Variants in GRM5 observed in about 807,000 individuals in gnomAD.
GRM5 encodes glutamate metabotropic receptor 5.
A neutral mutation model predicts 83.1 loss-of-function variants in GRM5; 19 were observed. That is an observed-to-expected ratio of 0.23 (90% confidence interval 0.16 to 0.34). The LOEUF (loss-of-function observed/expected upper bound fraction) is 0.34, where lower values mean the gene tolerates loss of function less well. Among genes scored for constraint, GRM5 ranks in the 10% least tolerant of loss-of-function variants. The pLI is 1.00. For synonymous variants in GRM5, 675 were observed against 633.6 expected, an observed-to-expected ratio of 1.07 and a Z score of -0.98; for missense variants, 1,160 against 1,588.3, an observed-to-expected ratio of 0.73 and a Z score of 4.58.
chr11:88,687,401 C>T (rs1456538821), intron 3 of GRM5, among the ~76,000 whole-genome samples: 2 of 144,208 alleles, frequency 1.4e-5, no homozygotes, highest in Admixed American at 7.2e-5. Context: ...GGCATGAACC[C>T]GGGAGGCGGA....
chr11:88,795,724 C>T (rs964752849), intron 3 of GRM5, among the ~76,000 whole-genome samples: 1 of 152,130 alleles, frequency 6.6e-6, no homozygotes, highest in African/African-American at 2.4e-5. Context: ...TGCCAAAAAT[C>T]ATTTCTGTAG....
intron 8 of GRM5, among the ~76,000 whole-genome samples, chr11:88,547,714 G>T (rs1436031262): frequency 6.6e-6 from 1 of 152,088 alleles, no homozygotes; most frequent in Non-Finnish European, 1.5e-5. Flanking sequence ...ACAAGGAGTA[G>T]GCTGGCAGTC....
intron 4 of GRM5, among the ~76,000 whole-genome samples, chr11:88,647,372 G>C (rs929241431): frequency 6.6e-6 from 1 of 151,732 alleles, no homozygotes; most frequent in African/African-American, 2.4e-5. Context: ...CTTAGAAAAA[G>C]AACCAGTAAT....
chr11:88,524,189 T>A (rs1018669299), intron 9 of GRM5: 1 of 125,840 alleles, frequency 7.9e-6, no homozygotes, highest in Non-Finnish European at 1.6e-5. Context: ...TTCTTTTTTC[T>A]TTTTCTTTCT....
chr11:88,857,287 C>G (rs1422065034), intron 2 of GRM5, among the ~76,000 whole-genome samples: 2 of 151,932 alleles, frequency 1.3e-5, no homozygotes, highest in Non-Finnish European at 2.9e-5. Context: ...ATTTTTGTCA[C>G]CATATTGCTT....
intron 2 of GRM5, among the ~76,000 whole-genome samples, chr11:88,856,688 C>T (rs1242715333): frequency 4.6e-5 from 7 of 151,946 alleles, no homozygotes; most frequent in African/African-American, 9.6e-5. Context: ...CTTTGTACAA[C>T]GGACATCACA....
chr11:89,049,833 G>T (rs1342640557), intron 1 of GRM5, among the ~76,000 whole-genome samples: 1 of 152,128 alleles, frequency 6.6e-6, no homozygotes, highest in Non-Finnish European at 1.5e-5. Flanking sequence ...TTTTTCATTG[G>T]CAAGTCATTT....
At chr11:88,735,369 C>A (rs780924185) in intron 3 of GRM5, among the ~76,000 whole-genome samples, 1 of 152,024 alleles carries the variant, frequency 6.6e-6, no homozygotes, top group African/African-American at 2.4e-5. Flanking sequence ...TCAGGATAAA[C>A]GTTTTCTGTG....
chr11:88,975,222 A>C (rs1939294932), intron 2 of GRM5, among the ~76,000 whole-genome samples: 1 of 152,248 alleles, frequency 6.6e-6, no homozygotes, highest in Non-Finnish European at 1.5e-5. Flanking sequence ...AGGACTATGA[A>C]TAAAATCTTG....
intron 3 of GRM5, among the ~76,000 whole-genome samples, chr11:88,660,921 C>G (rs1270272659): frequency 6.6e-6 from 1 of 152,144 alleles, no homozygotes; most frequent in East Asian, 1.9e-4. Context: ...TCAAAAAGCT[C>G]CTCTGGGCTT....
chr11:89,034,739 T>C (rs1004327717), intron 2 of GRM5, among the ~76,000 whole-genome samples: 2 of 151,750 alleles, frequency 1.3e-5, no homozygotes, highest in Non-Finnish European at 3.0e-5. Flanking sequence ...CTGTATTTCA[T>C]TGAAAATTAT....
At chr11:88,754,393 C>T (rs879225776) in intron 3 of GRM5, among the ~76,000 whole-genome samples, 5 of 152,138 alleles carry the variant, frequency 3.3e-5, no homozygotes, top group South Asian at 4.1e-4. Flanking sequence ...ACCTATATAA[C>T]GAACCTGCCC....
intron 1 of GRM5, among the ~76,000 whole-genome samples, chr11:89,058,701 T>C (rs563375355): frequency 2.6e-5 from 4 of 152,310 alleles, no homozygotes; most frequent in Admixed American, 2.0e-4. Flanking sequence ...AAATTTAAGC[T>C]TTAAGAGTCA....
At chr11:88,777,885 A>G (rs7102490) in intron 3 of GRM5, among the ~76,000 whole-genome samples, 4,398 of 152,184 alleles carry the variant, frequency 0.029, 217 homozygotes, top group African/African-American at 0.099. Flanking sequence ...ACTTGGAGAT[A>G]TCTCCCAGTT....
intron 3 of GRM5, among the ~76,000 whole-genome samples, chr11:88,688,232 T>G (rs1315725741): frequency 1.3e-5 from 2 of 152,194 alleles, no homozygotes; most frequent in African/African-American, 2.4e-5. Context: ...ATAGATGTCC[T>G]GCAGGCACTA....
chr11:88,985,686 G>T (rs1591021024), intron 2 of GRM5, among the ~76,000 whole-genome samples: 1 of 152,148 alleles, frequency 6.6e-6, no homozygotes, highest in African/African-American at 2.4e-5. Flanking sequence ...GACACTTTCA[G>T]AAGATTTGCA....
intron 4 of GRM5, among the ~76,000 whole-genome samples, chr11:88,608,696 A>G (rs574254359): frequency 3.6e-4 from 55 of 151,622 alleles, no homozygotes; most frequent in African/African-American, 1.2e-3. Context: ...ATTTTTTTGT[A>G]TTTTTAGTAG....
intron 9 of GRM5, among the ~76,000 whole-genome samples, chr11:88,522,179 G>C (rs1466334586): frequency 1.3e-5 from 2 of 152,122 alleles, no homozygotes; most frequent in Non-Finnish European, 2.9e-5. Flanking sequence ...GAAGCAATAG[G>C]GGGTGGAGTA....
intron 4 of GRM5, among the ~76,000 whole-genome samples, chr11:88,621,713 C>A (rs946927225): frequency 6.6e-6 from 1 of 151,942 alleles, no homozygotes; most frequent in Non-Finnish European, 1.5e-5. Flanking sequence ...ATAAGAGATG[C>A]AAAAAATTTA....
Sources: allele counts gnomAD v4.1 joint callset (sites outside exome capture counted in the v4.1 genomes callset), GRCh38; gene constraint gnomAD v4.1.1; transcripts MANE v1.5; gene names NCBI Gene and HGNC (gene_info 2026-07-23, HGNC 2026-07-21).